TDRP: variants seen among roughly 807,000 people sequenced by gnomAD.
TDRP encodes testis development related protein.
Under a neutral mutation model 10.5 loss-of-function variants are expected in TDRP, and 12 were observed. That is an observed-to-expected ratio of 1.15 (90% CI 0.73 to 1.86). The LOEUF (loss-of-function observed/expected upper bound fraction) is 1.86, where lower values mean the gene tolerates loss of function less well. Ranked by LOEUF, TDRP falls within the 40% of genes most tolerant of loss-of-function variation. The pLI, the probability that TDRP is intolerant of heterozygous loss-of-function variation, is 0.00. For synonymous variants in TDRP, 139 were observed against 95.4 expected, an observed-to-expected ratio of 1.46 and a Z score of -2.67; for missense variants, 353 against 229.2, an observed-to-expected ratio of 1.54 and a Z score of -3.49.
chr8:500,957 A>T (rs899927227), intron 1 of TDRP, among the ~76,000 whole-genome samples: 1 of 152,338 alleles, frequency 6.6e-6, no homozygotes, highest in East Asian at 1.9e-4. Context: ...CTGTAATCCC[A>T]GCACTCTGGG....
At chr8:495,811 C>T (rs1254375859) in intron 1 of TDRP, among the ~76,000 whole-genome samples, 1 of 152,180 alleles carries the variant, frequency 6.6e-6, no homozygotes, top group South Asian at 2.1e-4. Flanking sequence ...TTGCCAGGTG[C>T]AATGTCTGGG....
At chr8:496,323 G>A (rs1801135247) in intron 1 of TDRP, among the ~76,000 whole-genome samples, 1 of 152,196 alleles carries the variant, frequency 6.6e-6, no homozygotes, top group African/African-American at 2.4e-5. Flanking sequence ...CTATCAAGAA[G>A]TCTCAATTAA....
chr8:540,936 C>T (rs1438614650), intron 1 of TDRP, among the ~76,000 whole-genome samples: 1 of 152,030 alleles, frequency 6.6e-6, no homozygotes, highest in Non-Finnish European at 1.5e-5. Context: ...TTTAACATCA[C>T]ACTGACTGAC....
chr8:533,811 C>T (rs1215858236), intron 1 of TDRP, among the ~76,000 whole-genome samples: 1 of 152,138 alleles, frequency 6.6e-6, no homozygotes, highest in African/African-American at 2.4e-5. Flanking sequence ...GGCAGATGTA[C>T]ACCGGTTCTC....
chr8:498,769 G>C (rs758289081), intron 1 of TDRP, among the ~76,000 whole-genome samples: 8 of 152,162 alleles, frequency 5.3e-5, no homozygotes, highest in Non-Finnish European at 1.2e-4. Context: ...CCACATGTCA[G>C]GGAAGGGACC....
chr8:537,204 G>T (rs1362308903), intron 1 of TDRP, among the ~76,000 whole-genome samples: 1 of 152,200 alleles, frequency 6.6e-6, no homozygotes, highest in Admixed American at 6.5e-5. Context: ...CTGGCTCCCT[G>T]CCTGGTCTTG....
intron 1 of TDRP, among the ~76,000 whole-genome samples, chr8:515,953 T>C (rs1451123865): frequency 6.6e-6 from 1 of 151,844 alleles, no homozygotes; most frequent in Non-Finnish European, 1.5e-5. Flanking sequence ...AGTTAGACAA[T>C]AGAAAAAGAA....
chr8:497,844 G>A (rs6980614), intron 1 of TDRP, among the ~76,000 whole-genome samples: 16,096 of 152,136 alleles, frequency 0.11, 1,223 homozygotes, highest in African/African-American at 0.21. Flanking sequence ...TGTCCCAGCC[G>A]CTCCACCTCC....
At chr8:535,559 T>C (rs1319807472) in intron 1 of TDRP, among the ~76,000 whole-genome samples, 1 of 152,160 alleles carries the variant, frequency 6.6e-6, no homozygotes, top group East Asian at 1.9e-4. Context: ...GCTTCAGTCT[T>C]TGGCTTTTAA....
intron 1 of TDRP, 41 bp downstream of exon 1, chr8:544,608 GC>G (rs1360300827): frequency 2.5e-6 from 3 of 1,200,154 alleles, no homozygotes; most frequent in Admixed American, 4.3e-5. Flanking sequence ...CCACCTGCGC[GC>G]CCCCGGCCTA....
Position 543,907 on chromosome 8 carries a change from G to A in TDRP, c.108+743C>T, listed in dbSNP as rs971997172. Among the ~76,000 whole-genome samples the A allele has an allele frequency of 4.7e-5, 6 of 128,908 alleles. No individual in the cohort carries two copies. In the East Asian group the frequency reaches 1.6e-3, roughly 35 times the overall value. 84.6% of individuals were successfully genotyped at this position (128,908 alleles called of 152,430 possible). A position where few individuals can be genotyped will look rare whatever the true frequency, so the allele number is the denominator to read the frequency against. On this transcript the variant is annotated intron_variant, in intron 1 of 2. Coordinates refer to ENST00000324079, the MANE Select transcript of TDRP (RefSeq NM_001384899.1). ...TAAATTTCATTGTACATGAAAAAGA[G>A]CACTGCAATGGAAAAAGGGAGGGGG...
rs144607119 is a variant in TDRP at position 537,652 on chromosome 8, C to T, written c.108+6998G>A. The stretch of plus-strand genomic sequence containing the variant: ...GTCTTGTAAACAAGTAAGAATTCAC[C>T]GGGGTTTGAGAATTATGACTCCTTT... On this transcript the variant is annotated intron_variant, in intron 1 of 2. Transcript: ENST00000324079. 2.6e-3 allele frequency among the ~76,000 whole-genome samples: 400 copies of T among 152,158 alleles called. 2 individuals carry two copies. The highest frequency in any genetic ancestry group is 9.4e-3 in the African/African-American group (391 of 41,494).
chr8:493,843 G>C (rs1801051514), intron 2 of TDRP, among the ~76,000 whole-genome samples: 1 of 151,996 alleles, frequency 6.6e-6, no homozygotes, highest in South Asian at 2.1e-4. Context: ...GAGGCTACAG[G>C]CTGCTTTAAG....
rs1365276588 is a variant in TDRP at position 528,817 on chromosome 8, GTATATGTGTGTATA to G, written c.108+15819_108+15832del. Among the ~76,000 whole-genome samples, 6 of 151,858 alleles carry G rather than the reference GTATATGTGTGTATA, an allele frequency of 4.0e-5. No homozygotes were observed. In the East Asian group the frequency reaches 5.8e-4, roughly 15 times the overall value. On this transcript the variant is annotated intron_variant, in intron 1 of 2. Coordinates refer to ENST00000324079, the MANE Select transcript of TDRP (RefSeq NM_001384899.1). ...TATTTATATATAACTATGTGTGTGT[GTATATGTGTGTATA>G]TATGTGTGTGTATATATGTGTGTGT...
At chr8:540,275 T>C (rs1802457909) in intron 1 of TDRP, among the ~76,000 whole-genome samples, 1 of 152,180 alleles carries the variant, frequency 6.6e-6, no homozygotes, top group South Asian at 2.1e-4. Context: ...TTAAAATGGA[T>C]TTTTTCCAAC....
Position 517,333 on chromosome 8 carries a change from T to C in TDRP, c.109-22736A>G, listed in dbSNP as rs561055072. ...TCTTGTGGGGAGAATTTACATTCTA[T>C]GGGGCATCCCCATCCCTTCCCAGGT... On this transcript the variant is annotated intron_variant, in intron 1 of 2. Coordinates refer to ENST00000324079, the MANE Select transcript of TDRP (RefSeq NM_001384899.1). 2.0e-5 allele frequency among the ~76,000 whole-genome samples: 3 copies of C among 152,322 alleles called. No individual in the cohort carries two copies. In the South Asian group the frequency reaches 6.2e-4, roughly 32 times the overall value.
intron 1 of TDRP, among the ~76,000 whole-genome samples, chr8:514,933 T>A (rs539273815): frequency 2.0e-5 from 3 of 152,280 alleles, no homozygotes; most frequent in South Asian, 2.1e-4. Context: ...AATGAAGGAA[T>A]TGGATCATGA....
chr8:518,514 G>T (rs1355455604), intron 1 of TDRP, among the ~76,000 whole-genome samples: 2 of 152,160 alleles, frequency 1.3e-5, no homozygotes, highest in African/African-American at 2.4e-5. Context: ...TGTATATAGA[G>T]ATTTTAGTAT....
intron 1 of TDRP, among the ~76,000 whole-genome samples, chr8:504,529 T>C (rs1801402580): frequency 1.3e-5 from 2 of 152,164 alleles, no homozygotes; most frequent in Non-Finnish European, 2.9e-5. Flanking sequence ...GTTTGCAGAA[T>C]GTTCAAAGAG....
Sources: gnomAD v4.1 joint callset for allele counts (sites outside exome capture counted in the v4.1 genomes callset) on GRCh38, gnomAD v4.1.1 for gene constraint, MANE v1.5 for transcripts, NCBI Gene and HGNC (gene_info 2026-07-23, HGNC 2026-07-21) for gene names.